XYLB: variants seen among roughly 807,000 people sequenced by gnomAD.
XYLB encodes xylulokinase.
XYLB carries 62 observed loss-of-function variants against 78.7 expected under a neutral mutation model. That is an observed-to-expected ratio of 0.79 (90% CI 0.64 to 0.97). The LOEUF is 0.97. Among genes scored for constraint, XYLB ranks in the 50% least tolerant of loss-of-function variants. The pLI is 0.00. For synonymous variants in XYLB, 245 were observed against 247.4 expected, an observed-to-expected ratio of 0.99 and a Z score of 0.09; for missense variants, 687 against 676.8, an observed-to-expected ratio of 1.02 and a Z score of -0.17.
chr3:38,389,226 A>T (rs1206070637), intron 15 of XYLB, among the ~76,000 whole-genome samples: 1 of 146,516 alleles, frequency 6.8e-6, no homozygotes, highest in African/African-American at 2.5e-5. Flanking sequence ...CCCTGAGTGG[A>T]CACAGCACAT....
chr3:38,445,224 A>C, the XYLB span, among the ~76,000 whole-genome samples: 1 of 152,164 alleles, frequency 6.6e-6, no homozygotes, highest in African/African-American at 2.4e-5. Flanking sequence ...ATGGATAGGA[A>C]GGATATAATT....
At chr3:38,389,745 A>G (rs1707570175) in intron 15 of XYLB, among the ~76,000 whole-genome samples, 1 of 152,148 alleles carries the variant, frequency 6.6e-6, no homozygotes, top group Non-Finnish European at 1.5e-5. Context: ...GGACCTAACC[A>G]CTGAGATTAC....
chr3:38,395,150 C>T (rs531486011), intron 15 of XYLB, among the ~76,000 whole-genome samples: 22 of 152,262 alleles, frequency 1.4e-4, no homozygotes, highest in Non-Finnish European at 2.4e-4. Flanking sequence ...GGCTGACACA[C>T]CAGTCTGAAA....
At chr3:38,371,585 T>A (rs1706567799) in intron 9 of XYLB, among the ~76,000 whole-genome samples, 1 of 152,134 alleles carries the variant, frequency 6.6e-6, no homozygotes, top group Non-Finnish European at 1.5e-5. Flanking sequence ...AATTTTTTTT[T>A]ATTTTGGTAG....
At chr3:38,398,197 T>C (rs1707967048) in intron 17 of XYLB, among the ~76,000 whole-genome samples, 1 of 151,268 alleles carries the variant, frequency 6.6e-6, no homozygotes, top group Non-Finnish European at 1.5e-5. Context: ...TGGCCGGGTG[T>C]GGTGGCTCAT....
chr3:38,372,496 T>C (rs1443900534), intron 9 of XYLB, 159 bp from the exon 10 acceptor site: 12 of 985,258 alleles, frequency 1.2e-5, no homozygotes, highest in Non-Finnish European at 1.4e-5. Flanking sequence ...ATGCCCAGTT[T>C]GTGACAGGAA....
chr3:38,439,113 C>T, the XYLB span, among the ~76,000 whole-genome samples: 4 of 152,178 alleles, frequency 2.6e-5, no homozygotes, highest in African/African-American at 9.7e-5. Flanking sequence ...TCAATCTCCC[C>T]TCTAAACAGG....
chr3:38,384,055 T>TC (rs1707271530), intron 15 of XYLB, among the ~76,000 whole-genome samples: 3 of 152,188 alleles, frequency 2.0e-5, no homozygotes, highest in Middle Eastern at 3.4e-3. Flanking sequence ...TTGTTTGTTT[T>TC]CTTTGTTTTG....
chr3:38,433,315 C>G, the XYLB span, among the ~76,000 whole-genome samples: 1 of 152,236 alleles, frequency 6.6e-6, no homozygotes, highest in African/African-American at 2.4e-5. Context: ...GCCTCCAGGC[C>G]TGTGATGGGG....
At chr3:38,375,374 T>G in intron 12 of XYLB, 115 bp downstream of exon 12, 1 of 906,332 alleles carries the variant, frequency 1.1e-6, no homozygotes, top group Non-Finnish European at 1.7e-6. Context: ...TCCCTCCACT[T>G]TCCCGGGCTC....
chr3:38,431,547 T>C, the XYLB span, among the ~76,000 whole-genome samples: 6 of 152,216 alleles, frequency 3.9e-5, no homozygotes, highest in East Asian at 1.2e-3. Flanking sequence ...TCTATTTCTT[T>C]CTCTTGCCTG....
At chr3:38,376,303 C>T (rs1706853230) in intron 13 of XYLB, 71 bp downstream of exon 13, 2 of 1,110,788 alleles carry the variant, frequency 1.8e-6, no homozygotes, top group Middle Eastern at 2.1e-4. Context: ...GAGCCTGGGG[C>T]CCCATGAGCT....
chr3:38,433,972 C>G, the XYLB span, among the ~76,000 whole-genome samples: 9,281 of 152,254 alleles, frequency 0.061, 451 homozygotes, highest in East Asian at 0.19. Flanking sequence ...TTAATTGACT[C>G]ACAGTTCCAC....
At chr3:38,401,220 G>C (rs536747258) in intron 18 of XYLB, among the ~76,000 whole-genome samples, 1 of 152,126 alleles carries the variant, frequency 6.6e-6, no homozygotes, top group Non-Finnish European at 1.5e-5. Flanking sequence ...TATTTGTATT[G>C]CTTCTTATGC....
chr3:38,388,273 A>T (rs983904179), intron 15 of XYLB, among the ~76,000 whole-genome samples: 2 of 151,736 alleles, frequency 1.3e-5, no homozygotes, highest in African/African-American at 4.8e-5. Context: ...GTGGATTAAA[A>T]ATTTTGGTTA....
At chr3:38,372,561 C>G (rs1326331164) in intron 9 of XYLB, 94 bp from the exon 10 acceptor site, 2 of 1,599,732 alleles carry the variant, frequency 1.3e-6, no homozygotes, top group African/African-American at 1.3e-5. Flanking sequence ...GACCTGGAGA[C>G]TGTAGCGTTT....
rs966441528 is a variant in XYLB, at chr3:38,370,126, T to C, written c.717T>C (p.Pro239=). 4 of 1,614,064 alleles carry C rather than the reference T, an allele frequency of 2.5e-6. No individual in the cohort carries two copies. Among genetic ancestry groups the C allele is most frequent in the Non-Finnish European group, 2.5e-6 (3 of 1,180,048 alleles). Residue 239 remains proline, a synonymous_variant, in exon 9 of 19, where the codon CCT becomes CCC. Coordinates refer to ENST00000207870, the MANE Select transcript of XYLB (RefSeq NM_005108.4). The stretch of plus-strand genomic sequence containing the variant: ...AGGCTTGCCTTGGTGCCTGTGCACC[T>C]CATTTAGAGGAGAAGCTTAGCCCAC... ...WSQACLGACA[P]HLEEKLSPPV...
intron 18 of XYLB, 24 bp downstream of exon 18, chr3:38,401,009 T>C (rs547958270): frequency 1.2e-6 from 2 of 1,609,148 alleles, no homozygotes; most frequent in Admixed American, 1.7e-5. Flanking sequence ...GGAATTTGTT[T>C]GTAGCATTTG....
chr3:38,353,184 G>C (rs1333508680), intron 2 of XYLB, among the ~76,000 whole-genome samples: 1 of 152,186 alleles, frequency 6.6e-6, no homozygotes, highest in African/African-American at 2.4e-5. Flanking sequence ...GTTCTTGTAA[G>C]ATTTCAGCTT....
Sources: gnomAD v4.1 joint callset for allele counts (sites outside exome capture counted in the v4.1 genomes callset) on GRCh38, gnomAD v4.1.1 for gene constraint, MANE v1.5 for transcripts, NCBI Gene and HGNC (gene_info 2026-07-23, HGNC 2026-07-21) for gene names.